GATC: variants seen among roughly 807,000 people sequenced by gnomAD.
GATC encodes glutamyl-tRNA(Gln) amidotransferase subunit C, mitochondrial.
GATC carries 11 observed loss-of-function variants against 14.4 expected under a neutral mutation model. That is an observed-to-expected ratio of 0.77 (90% CI 0.48 to 1.27). GATC has a LOEUF of 1.27. GATC is among the 50% of genes most tolerant of loss of function. The probability of loss-of-function intolerance (pLI) is 0.00; values close to 1 mark genes in which losing one functional copy is unlikely to be tolerated. For missense variants in GATC, 204 were observed against 183.0 expected, an observed-to-expected ratio of 1.11 and a Z score of -0.66; for synonymous variants, 76 against 79.3, an observed-to-expected ratio of 0.96 and a Z score of 0.22.
chr12:120,447,459 T>C (rs943842828), intron 2 of GATC, among the ~76,000 whole-genome samples: 1 of 152,104 alleles, frequency 6.6e-6, no homozygotes, highest in Non-Finnish European at 1.5e-5. Flanking sequence ...CTTGGCTACC[T>C]TGACTGCTTC....
chr12:120,453,922 A>AATGT (rs1383406588), intron 2 of GATC, among the ~76,000 whole-genome samples: 2 of 152,116 alleles, frequency 1.3e-5, no homozygotes, highest in South Asian at 2.1e-4. Context: ...ACTAAATAGA[A>AATGT]ATGTATGTAT....
Position 120,460,615 on chromosome 12 carries a change from C to G in GATC, c.*656C>G, listed in dbSNP as rs1878308748. On this transcript the variant is annotated 3_prime_UTR_variant, in exon 4 of 4. Coordinates refer to ENST00000551765, the MANE Select transcript of GATC (RefSeq NM_176818.3). ...ACTTATCCTAAAATTAGCCCTGGGC[C>G]TGGGACAAAGGAGCCCTCTCCGCCC... 1 of 152,092 alleles carries G rather than the reference C, an allele frequency of 6.6e-6. No homozygotes were observed. Among genetic ancestry groups the G allele is most frequent in the Admixed American group, 6.6e-5 (1 of 15,260 alleles). 9.4% of individuals were successfully genotyped at this position (152,092 alleles called of 1,614,324 possible).
At chr12:120,452,293 G>C (rs1229133221) in intron 2 of GATC, among the ~76,000 whole-genome samples, 8 of 152,116 alleles carry the variant, frequency 5.3e-5, no homozygotes, top group Admixed American at 5.2e-4. Context: ...AGTTTCACAG[G>C]TAATAAGCAG....
At chr12:120,455,117 A>C in intron 2 of GATC, 1 of 257,656 alleles carries the variant, frequency 3.9e-6, no homozygotes, top group Non-Finnish European at 8.7e-6. Flanking sequence ...TCCTGACCTC[A>C]GGTGATCCAC....
intron 2 of GATC, among the ~76,000 whole-genome samples, chr12:120,453,018 T>C (rs949951789): frequency 6.6e-6 from 1 of 152,140 alleles, no homozygotes; most frequent in African/African-American, 2.4e-5. Context: ...CCAAGTTAAT[T>C]AGCCCCCATT....
chr12:120,454,988 A>G (rs1434236661), intron 2 of GATC: 1 of 451,298 alleles, frequency 2.2e-6, no homozygotes, highest in Non-Finnish European at 4.4e-6. Flanking sequence ...CCTACATTCA[A>G]GTGATTCTTG....
At chr12:120,448,646 T>TA (rs1466230728) in intron 2 of GATC, among the ~76,000 whole-genome samples, 1 of 139,974 alleles carries the variant, frequency 7.1e-6, no homozygotes, top group African/African-American at 2.7e-5. Context: ...CCATTCCTTT[T>TA]TTTTTTTTTT....
intron 2 of GATC, among the ~76,000 whole-genome samples, chr12:120,456,610 C>T (rs1878191119): frequency 6.6e-6 from 1 of 152,108 alleles, no homozygotes; most frequent in Non-Finnish European, 1.5e-5. Context: ...CTATACGTGC[C>T]AGGAAGTCCA....
At chr12:120,458,098 ATTT>A (rs11434555) in intron 3 of GATC, among the ~76,000 whole-genome samples, 2 of 136,712 alleles carry the variant, frequency 1.5e-5, no homozygotes, top group Non-Finnish European at 1.6e-5. Context: ...TATTTCTTAA[ATTT>A]TTTTTTTTTT....
intron 2 of GATC, among the ~76,000 whole-genome samples, chr12:120,455,986 G>C (rs1028736036): frequency 2.0e-5 from 3 of 152,142 alleles, no homozygotes; most frequent in Admixed American, 2.0e-4. Context: ...GCGCCCGGCT[G>C]ACAACTTAGT....
intron 2 of GATC, among the ~76,000 whole-genome samples, chr12:120,453,136 A>C (rs979834118): frequency 1.5e-5 from 2 of 137,602 alleles, no homozygotes; most frequent in South Asian, 2.3e-4. Flanking sequence ...AGCAGAAAAG[A>C]AGCTCAAAGA....
rs1170221029 is a variant in GATC at position 120,451,875 on chromosome 12, CT to C, written c.254+5066del. 8.1e-4 allele frequency among the ~76,000 whole-genome samples: 74 copies of C among 90,824 alleles called. 4 individuals carry two copies. The highest frequency in any genetic ancestry group is 6.8e-3 in the Middle Eastern group (1 of 148). 59.6% of individuals were successfully genotyped at this position (90,824 alleles called of 152,430 possible). ...CAGGGGCTAATAAATTATATAAATTCTTTTTTTTTTTTTTTTTTTTGAGCTG... is the reference window on the plus strand; with the variant it reads ...CAGGGGCTAATAAATTATATAAATTCTTTTTTTTTTTTTTTTTTTGAGCTG... On this transcript the variant is annotated intron_variant, in intron 2 of 3. Transcript: ENST00000551765.
At chr12:120,459,112 G>A (rs187898309) in intron 3 of GATC, among the ~76,000 whole-genome samples, 1 of 152,202 alleles carries the variant, frequency 6.6e-6, no homozygotes, top group East Asian at 1.9e-4. Context: ...GTCCGCTTCG[G>A]CCTCCCAGAG....
rs1877879565 is a variant in GATC, at chr12:120,446,740, G to A, written c.165G>A (p.Ala55=). 3 of 1,614,016 alleles carry A rather than the reference G, an allele frequency of 1.9e-6. No homozygotes were observed. The highest frequency in any genetic ancestry group is 2.5e-6 in the Non-Finnish European group (3 of 1,180,012). The change falls in exon 2 of 4, where the codon GCG becomes GCA. Residue 55 remains alanine (A), a synonymous_variant. Coordinates refer to ENST00000551765, the MANE Select transcript of GATC (RefSeq NM_176818.3). ...ACTTCGGCAGCCGCGAGGCAGTGGC[G>A]CGACTGGAGAAAGCTATCGCCTTCG... ...LVDFGSREAV[A]RLEKAIAFAD...
Position 120,460,095 on chromosome 12 carries a change from G to A in GATC, c.*136G>A. Reference sequence around the variant, plus strand: ...GATGCTCAAGCATTTCTTAATAACAGATTCTTCTGAAGACAGAATTGGGAA... The same window carrying A: ...GATGCTCAAGCATTTCTTAATAACAAATTCTTCTGAAGACAGAATTGGGAA... On this transcript the variant is annotated 3_prime_UTR_variant, in exon 4 of 4. Transcript: ENST00000551765. 1 of 615,024 alleles carries A rather than the reference G, an allele frequency of 1.6e-6. No homozygotes were observed. Among genetic ancestry groups the A allele is most frequent in the Non-Finnish European group, 2.9e-6 (1 of 344,446 alleles). The allele number at this position is 615,024 out of a possible 1,614,324, so 38.1% of individuals were successfully genotyped here.
Position 120,461,845 on chromosome 12 carries a change from A to C in GATC, c.*1886A>C. The C allele has an allele frequency of 6.3e-6, 4 of 634,852 alleles. No individual in the cohort carries two copies. Among genetic ancestry groups the C allele is most frequent in the East Asian group, 3.4e-5 (1 of 29,558 alleles). The allele number at this position is 634,852 out of a possible 1,614,324, so 39.3% of individuals were successfully genotyped here. ...AAAACCACAATTTCTGCAGTTTAAA[A>C]TGTTTCACTGCTAATATGGCCCTGG... On this transcript the variant is annotated 3_prime_UTR_variant, in exon 4 of 4. Transcript: ENST00000551765.
chr12:120,459,632 G>A (rs1455394581), intron 3 of GATC, among the ~76,000 whole-genome samples: 8 of 152,104 alleles, frequency 5.3e-5, no homozygotes, highest in Non-Finnish European at 8.8e-5. Flanking sequence ...CGAGGAGGGC[G>A]GATCACGAGG....
chr12:120,462,178 A>C lies in GATC; in HGVS notation c.*2219A>C. ...AAGTTTCACCCTGAAATGCAAACAA[A>C]AACAAAAAGAGTAAAGGGGAAAAAA... On this transcript the variant is annotated 3_prime_UTR_variant, in exon 4 of 4. Transcript: ENST00000551765. 6.3e-7 allele frequency: 1 copy of C among 1,599,724 alleles called. No individual in the cohort carries two copies. Among genetic ancestry groups the C allele is most frequent in the Non-Finnish European group, 8.5e-7 (1 of 1,173,296 alleles).
rs1877869675 is a variant in GATC at position 120,446,543 on chromosome 12, C to T, written c.63C>T (p.Thr21=). 3 of 1,600,916 alleles carry T rather than the reference C, an allele frequency of 1.9e-6. No individual in the cohort carries two copies. The highest frequency in any genetic ancestry group is 2.6e-6 in the Non-Finnish European group (3 of 1,173,822). ...CTCTGGGCGGGCGCCAGGGCTTCAC[C>T]TCCAAGGCGGATCCTCAGGTAAAGG... The part of the protein sequence containing the change: ...RAPLGGRQGF[T]SKADPQGSGR... The change falls in exon 1 of 4, where the codon ACC becomes ACT. Residue 21 remains threonine (T), a synonymous_variant. Coordinates refer to ENST00000551765, the MANE Select transcript of GATC (RefSeq NM_176818.3).
Sources: gnomAD v4.1 joint callset for allele counts (sites outside exome capture counted in the v4.1 genomes callset) on GRCh38, gnomAD v4.1.1 for gene constraint, MANE v1.5 for transcripts, NCBI Gene and HGNC (gene_info 2026-07-23, HGNC 2026-07-21) for gene names.